The following C1QTNF3 variants were observed in gnomAD, a reference collection of about 807,000 sequenced individuals.
C1QTNF3 encodes C1q and TNF related 3, also known as complement C1q tumor necrosis factor-related protein 3.
Under a neutral mutation model 32.6 loss-of-function variants are expected in C1QTNF3, and 26 were observed. That is an observed-to-expected ratio of 0.80 (90% CI 0.58 to 1.11). The LOEUF is 1.11. Among genes scored for constraint, C1QTNF3 ranks in the 50% least tolerant of loss-of-function variants. The pLI is 0.00. For synonymous variants in C1QTNF3, 155 were observed against 146.0 expected, an observed-to-expected ratio of 1.06 and a Z score of -0.44; for missense variants, 362 against 398.2, an observed-to-expected ratio of 0.91 and a Z score of 0.77.
chr5:34,216,892 T>A, the C1QTNF3 span, among the ~76,000 whole-genome samples: 1 of 152,238 alleles, frequency 6.6e-6, no homozygotes, highest in South Asian at 2.1e-4. Flanking sequence ...GTGTTGGTAA[T>A]AAATTGACAA....
At chr5:34,211,334 T>C in the C1QTNF3 span, among the ~76,000 whole-genome samples, 4 of 152,144 alleles carry the variant, frequency 2.6e-5, no homozygotes, top group African/African-American at 9.7e-5. Flanking sequence ...TCCTAGGATC[T>C]TAGATGAGTT....
At chr5:34,147,326 C>A in the C1QTNF3 span, among the ~76,000 whole-genome samples, 1 of 152,146 alleles carries the variant, frequency 6.6e-6, no homozygotes, top group Non-Finnish European at 1.5e-5. Context: ...CCAAAGGAAA[C>A]ACAGATCATT....
chr5:34,239,857 C>T, the C1QTNF3 span, among the ~76,000 whole-genome samples: 99 of 151,248 alleles, frequency 6.5e-4, no homozygotes, highest in African/African-American at 2.3e-3. Context: ...GCACAGGGAA[C>T]ATATTCTAAC....
the C1QTNF3 span, among the ~76,000 whole-genome samples, chr5:34,110,809 G>T: frequency 6.6e-6 from 1 of 151,986 alleles, no homozygotes; most frequent in Non-Finnish European, 1.5e-5. Flanking sequence ...GAATATTAAA[G>T]AGATTTCTTT....
the C1QTNF3 span, among the ~76,000 whole-genome samples, chr5:34,189,670 C>G: frequency 6.6e-6 from 1 of 152,308 alleles, no homozygotes; most frequent in African/African-American, 2.4e-5. Context: ...CAGTTCCCCA[C>G]TGCTCCCAGG....
chr5:34,056,475 T>G, the C1QTNF3 span, among the ~76,000 whole-genome samples: 111 of 101,246 alleles, frequency 1.1e-3, 1 homozygote, highest in Admixed American at 7.4e-3. Flanking sequence ...TATATATATA[T>G]ATATAGAGAG....
the C1QTNF3 span, among the ~76,000 whole-genome samples, chr5:34,121,033 A>C: frequency 6.6e-6 from 1 of 152,252 alleles, no homozygotes; most frequent in Admixed American, 6.5e-5. Flanking sequence ...TCTCAGGCAG[A>C]GATCATTAAG....
chr5:34,222,158 G>C, the C1QTNF3 span, among the ~76,000 whole-genome samples: 1 of 151,364 alleles, frequency 6.6e-6, no homozygotes, highest in African/African-American at 2.4e-5. Context: ...CAGATATTAG[G>C]GGAAAAAAAA....
the C1QTNF3 span, among the ~76,000 whole-genome samples, chr5:34,063,944 TAA>T: frequency 1.4e-4 from 21 of 152,280 alleles, no homozygotes; most frequent in Non-Finnish European, 2.1e-4. Flanking sequence ...GGGCGACTGT[TAA>T]GTAGAGACTT....
At chr5:34,084,802 TTTTTTTG>T in the C1QTNF3 span, among the ~76,000 whole-genome samples, 77 of 119,300 alleles carry the variant, frequency 6.5e-4, 13 homozygotes, top group African/African-American at 4.0e-3. Context: ...TTTTTTTTGT[TTTTTTTG>T]TTTTTTTTCT....
At chr5:34,092,226 A>G in the C1QTNF3 span, among the ~76,000 whole-genome samples, 1 of 151,988 alleles carries the variant, frequency 6.6e-6, no homozygotes, top group East Asian at 1.9e-4. Context: ...ATTTGAGAAG[A>G]ATATTTGATG....
chr5:34,131,427 TAC>T, the C1QTNF3 span, among the ~76,000 whole-genome samples: 2 of 151,606 alleles, frequency 1.3e-5, no homozygotes, highest in Non-Finnish European at 2.9e-5. Context: ...TCCTACATTA[TAC>T]ACACACAGGC....
intron 1 of C1QTNF3, among the ~76,000 whole-genome samples, chr5:34,038,951 A>G (rs1347911354): frequency 6.6e-6 from 1 of 152,190 alleles, no homozygotes; most frequent in African/African-American, 2.4e-5. Flanking sequence ...TGCCGGGTAA[A>G]GGCAGTCTTC....
the C1QTNF3 span, among the ~76,000 whole-genome samples, chr5:34,107,565 A>C: frequency 6.6e-6 from 1 of 152,148 alleles, no homozygotes; most frequent in South Asian, 2.1e-4. Flanking sequence ...TTATTAATTA[A>C]GAAAATTAAG....
rs997340145 is a variant in C1QTNF3, at chr5:34,018,802, C to T, written c.*1781G>A. Among the ~76,000 whole-genome samples the T allele has an allele frequency of 1.3e-5, 2 of 152,196 alleles. No homozygotes were observed. Among genetic ancestry groups the T allele is most frequent in the African/African-American group, 4.8e-5 (2 of 41,462 alleles). On this transcript the variant is annotated 3_prime_UTR_variant, in exon 6 of 6. Coordinates refer to ENST00000382065, the MANE Select transcript of C1QTNF3 (RefSeq NM_181435.6). ...TACATCCCTGAAGCAAGCAGAAACT[C>T]AAGTGCTTCGTTTGCAGAGTTGTTT...
the C1QTNF3 span, among the ~76,000 whole-genome samples, chr5:34,067,515 G>A: frequency 0.014 from 2,137 of 152,296 alleles, 51 homozygotes; most frequent in African/African-American, 0.049. Flanking sequence ...GGCGGCAGGC[G>A]AAGAGAGGAA....
intron 1 of C1QTNF3, among the ~76,000 whole-genome samples, chr5:34,039,946 C>G (rs1754827909): frequency 6.6e-6 from 1 of 152,176 alleles, no homozygotes; most frequent in African/African-American, 2.4e-5. Context: ...GCCACCAGAA[C>G]AGTGAGAGAC....
At chr5:34,214,224 A>G in the C1QTNF3 span, among the ~76,000 whole-genome samples, 1 of 152,120 alleles carries the variant, frequency 6.6e-6, no homozygotes, top group African/African-American at 2.4e-5. Context: ...TTAAAAACAT[A>G]TATGAATGAT....
chr5:34,143,759 C>A, the C1QTNF3 span, among the ~76,000 whole-genome samples: 1 of 152,162 alleles, frequency 6.6e-6, no homozygotes, highest in Admixed American at 6.5e-5. Flanking sequence ...ATTAGACCAG[C>A]CTTACAAGAG....
Sources: allele counts gnomAD v4.1 joint callset (sites outside exome capture counted in the v4.1 genomes callset), GRCh38; gene constraint gnomAD v4.1.1; transcripts MANE v1.5; gene names NCBI Gene and HGNC (gene_info 2026-07-23, HGNC 2026-07-21).